SORCS2: variants seen among roughly 807,000 people sequenced by gnomAD.
SORCS2 encodes the protein sortilin related VPS10 domain containing receptor 2.
Under a neutral mutation model 141.6 loss-of-function variants are expected in SORCS2, and 100 were observed. The observed-to-expected ratio is 0.71, with a 90% CI of 0.60 to 0.83. The LOEUF (loss-of-function observed/expected upper bound fraction) is 0.83. SORCS2 is among the 40% of genes least tolerant of loss of function. The pLI is 0.00. For synonymous variants in SORCS2, 789 were observed against 676.9 expected (o/e 1.17, Z -2.57); for missense variants, 1,646 against 1,560.2 (o/e 1.05, Z -0.93).
intron 1 of SORCS2, among the ~76,000 whole-genome samples, chr4:7,211,703 G>A (rs944089389): frequency 1.3e-5 from 2 of 152,112 alleles, no homozygotes; most frequent in Non-Finnish European, 2.9e-5. Flanking sequence ...GATTGTCCAC[G>A]TGAAGTTCCA....
chr4:7,309,998 C>T (rs1577383129), intron 1 of SORCS2, among the ~76,000 whole-genome samples: 1 of 152,200 alleles, frequency 6.6e-6, no homozygotes, highest in East Asian at 1.9e-4. Context: ...GATTCAAACT[C>T]AAAGGCTATG....
In SORCS2 at chr4:7,534,685, T is replaced by C. The variant is rs927577369; in HGVS notation, c.648+3056T>C. On this transcript the variant is annotated intron_variant, in intron 3 of 26. Transcript: ENST00000507866. Reference sequence around the variant, plus strand: ...GAGCAGAGGCTGGGGCAGGGCCTGGTTGGGGCCACAAGCCAAGGAAAGCAG... The same window carrying C: ...GAGCAGAGGCTGGGGCAGGGCCTGGCTGGGGCCACAAGCCAAGGAAAGCAG... 6.6e-5 allele frequency among the ~76,000 whole-genome samples: 10 copies of C among 151,952 alleles called. No homozygotes were observed. The East Asian group carries it at 9.7e-4, about 15-fold the overall frequency.
intron 1 of SORCS2, among the ~76,000 whole-genome samples, chr4:7,367,998 C>T (rs938831242): frequency 3.3e-5 from 5 of 152,190 alleles, no homozygotes; most frequent in East Asian, 1.9e-4. Context: ...AAGTCCTCAG[C>T]GCTGGGCTTC....
intron 4 of SORCS2, among the ~76,000 whole-genome samples, chr4:7,650,810 C>T (rs538869176): frequency 1.0e-3 from 154 of 150,444 alleles, no homozygotes; most frequent in African/African-American, 3.6e-3. Context: ...TGTGAGGCGG[C>T]GCCAGCGACC....
chr4:7,249,726 G>A (rs1020622083), intron 1 of SORCS2, among the ~76,000 whole-genome samples: 34 of 152,304 alleles, frequency 2.2e-4, no homozygotes, highest in Middle Eastern at 3.4e-3. Context: ...CACAAAGCAC[G>A]TGGTGGAGCT....
At chr4:7,423,312 C>G (rs150619446) in intron 2 of SORCS2, among the ~76,000 whole-genome samples, 8 of 152,322 alleles carry the variant, frequency 5.3e-5, no homozygotes, top group Admixed American at 5.2e-4. Flanking sequence ...GCCTGTGTGT[C>G]TGCTCCATTA....
chr4:7,218,089 G>C (rs990141907), intron 1 of SORCS2, among the ~76,000 whole-genome samples: 9 of 152,178 alleles, frequency 5.9e-5, no homozygotes, highest in African/African-American at 1.9e-4. Context: ...CTGCCGGATG[G>C]GTTGGGGGTC....
intron 5 of SORCS2, among the ~76,000 whole-genome samples, chr4:7,660,068 A>G (rs1158070): frequency 0.1 from 15,157 of 152,192 alleles, 1,428 homozygotes; most frequent in African/African-American, 0.25. Flanking sequence ...AGGCAACTAG[A>G]GCACCTAGGA....
chr4:7,491,113 C>G (rs1297679138), intron 2 of SORCS2, among the ~76,000 whole-genome samples: 1 of 152,200 alleles, frequency 6.6e-6, no homozygotes, highest in Non-Finnish European at 1.5e-5. Context: ...CCTGCCATCT[C>G]TCTCCTCTCC....
intron 1 of SORCS2, among the ~76,000 whole-genome samples, chr4:7,351,537 A>G (rs1026190257): frequency 4.6e-5 from 7 of 152,168 alleles, no homozygotes; most frequent in Admixed American, 6.5e-5. Flanking sequence ...CTTCTGGACA[A>G]CAGTTCTCTG....
intron 12 of SORCS2, among the ~76,000 whole-genome samples, chr4:7,697,902 C>T (rs1032156489): frequency 1.3e-5 from 2 of 152,192 alleles, no homozygotes; most frequent in African/African-American, 4.8e-5. Flanking sequence ...CCCACCAGCA[C>T]AGGATGGCCT....
At chr4:7,569,921 A>T (rs560579483) in intron 3 of SORCS2, among the ~76,000 whole-genome samples, 2 of 152,178 alleles carry the variant, frequency 1.3e-5, no homozygotes, top group South Asian at 4.2e-4. Context: ...ACCCCTGTGG[A>T]TGTGGCTTTT....
chr4:7,235,231 C>T (rs1287948837), intron 1 of SORCS2, among the ~76,000 whole-genome samples: 1 of 152,240 alleles, frequency 6.6e-6, no homozygotes, highest in Non-Finnish European at 1.5e-5. Flanking sequence ...TGTGCAGCCG[C>T]ACCAGTTAGT....
chr4:7,360,279 CTG>C (rs1350246959), intron 1 of SORCS2, among the ~76,000 whole-genome samples: 1 of 152,194 alleles, frequency 6.6e-6, no homozygotes, highest in Non-Finnish European at 1.5e-5. Flanking sequence ...GATAAAGAAA[CTG>C]AGACTCAGAG....
chr4:7,714,401 C>T (rs1354823536), intron 16 of SORCS2, 28 bp downstream of exon 16: 5 of 1,543,918 alleles, frequency 3.2e-6, no homozygotes, highest in South Asian at 2.4e-5. Flanking sequence ...GGCCACGAGG[C>T]CTCAGGCGCT....
intron 18 of SORCS2, among the ~76,000 whole-genome samples, chr4:7,720,969 G>C (rs1577116120): frequency 6.6e-6 from 1 of 152,226 alleles, no homozygotes; most frequent in Non-Finnish European, 1.5e-5. Context: ...CCAGAGGACT[G>C]AGCACTTGCA....
intron 3 of SORCS2, among the ~76,000 whole-genome samples, chr4:7,563,279 G>A (rs1049329309): frequency 6.6e-6 from 1 of 152,148 alleles, no homozygotes; most frequent in Non-Finnish European, 1.5e-5. Flanking sequence ...GTGGGCCAGG[G>A]ACTGTTCTTG....
At chr4:7,614,385 T>A (rs1029136525) in intron 3 of SORCS2, among the ~76,000 whole-genome samples, 63 of 132,560 alleles carry the variant, frequency 4.8e-4, no homozygotes, top group African/African-American at 1.1e-3. Flanking sequence ...CCATCCACCT[T>A]TCCACCATCC....
intron 3 of SORCS2, among the ~76,000 whole-genome samples, chr4:7,541,172 A>C (rs1235701980): frequency 6.6e-6 from 1 of 152,196 alleles, no homozygotes; most frequent in Admixed American, 6.5e-5. Flanking sequence ...AAAGGGTGCC[A>C]TGTCTGGGCC....
Sources: gnomAD v4.1 joint callset for allele counts (sites outside exome capture counted in the v4.1 genomes callset) on GRCh38, gnomAD v4.1.1 for gene constraint, MANE v1.5 for transcripts, NCBI Gene and HGNC (gene_info 2026-07-23, HGNC 2026-07-21) for gene names.